Variants in PCDH9 observed in about 807,000 individuals in gnomAD.
PCDH9 encodes the protein protocadherin 9, also known as protocadherin-9.
Under a neutral mutation model 70.6 loss-of-function variants are expected in PCDH9, and 24 were observed. The ratio of observed to expected loss-of-function variants is 0.34; its 90% CI spans 0.25 to 0.48. The LOEUF (loss-of-function observed/expected upper bound fraction) is 0.48. PCDH9 is among the 20% of genes least tolerant of loss of function. The pLI is 0.99. For synonymous variants in PCDH9, 562 were observed against 558.5 expected (o/e 1.01, Z -0.09); for missense variants, 1,281 against 1,503.6 (o/e 0.85, Z 2.45).
chr13:66,380,702 C>A (rs368286), intron 4 of PCDH9, among the ~76,000 whole-genome samples: 4 of 151,976 alleles, frequency 2.6e-5, no homozygotes, highest in Non-Finnish European at 5.9e-5. Context: ...CGCCACCACG[C>A]CCGGCTAATT....
chr13:66,618,993 T>C (rs1204493638), intron 4 of PCDH9, among the ~76,000 whole-genome samples: 1 of 152,194 alleles, frequency 6.6e-6, no homozygotes, highest in Non-Finnish European at 1.5e-5. Context: ...TTAAACATGA[T>C]AAAATATTAC....
intron 4 of PCDH9, among the ~76,000 whole-genome samples, chr13:66,328,552 C>T (rs572461381): frequency 6.6e-6 from 1 of 152,286 alleles, no homozygotes; most frequent in East Asian, 1.9e-4. Flanking sequence ...TCCCAGACTG[C>T]TCTCATTTCT....
chr13:66,662,243 C>G (rs143231271), intron 3 of PCDH9, among the ~76,000 whole-genome samples: 1 of 151,920 alleles, frequency 6.6e-6, no homozygotes, highest in Non-Finnish European at 1.5e-5. Flanking sequence ...GGGGCTGAGG[C>G]GGGCGGATCA....
intron 3 of PCDH9, among the ~76,000 whole-genome samples, chr13:66,764,530 G>A (rs1027104349): frequency 6.6e-6 from 1 of 151,974 alleles, no homozygotes; most frequent in Non-Finnish European, 1.5e-5. Context: ...ATAGTTTGAG[G>A]AAAATGACAG....
chr13:66,431,203 G>T (rs1220818556), intron 4 of PCDH9, among the ~76,000 whole-genome samples: 1 of 152,024 alleles, frequency 6.6e-6, no homozygotes, highest in Non-Finnish European at 1.5e-5. Flanking sequence ...GCAAATTTGA[G>T]TTTATTTTTG....
chr13:66,948,877 G>A (rs1050308231), intron 2 of PCDH9, among the ~76,000 whole-genome samples: 5 of 151,890 alleles, frequency 3.3e-5, no homozygotes, highest in African/African-American at 4.8e-5. Context: ...TTTAATTACC[G>A]AGCCTTTGGG....
At chr13:66,980,931 T>G (rs61681730) in intron 2 of PCDH9, among the ~76,000 whole-genome samples, 2,105 of 152,136 alleles carry the variant, frequency 0.014, 49 homozygotes, top group African/African-American at 0.047. Context: ...GCATGCTGAT[T>G]CCAAGCTGTT....
intron 2 of PCDH9, among the ~76,000 whole-genome samples, chr13:67,067,313 A>T (rs1375049583): frequency 6.6e-6 from 1 of 152,194 alleles, no homozygotes; most frequent in Non-Finnish European, 1.5e-5. Context: ...TAGTGACAAG[A>T]AATAGGCAAA....
At chr13:66,521,557 T>C (rs942487105) in intron 4 of PCDH9, among the ~76,000 whole-genome samples, 17 of 152,280 alleles carry the variant, frequency 1.1e-4, no homozygotes, top group Admixed American at 3.3e-4. Flanking sequence ...GATACTGTTA[T>C]AGTGTGTGAA....
intron 2 of PCDH9, among the ~76,000 whole-genome samples, chr13:67,113,958 A>G (rs963844422): frequency 6.6e-6 from 1 of 152,240 alleles, no homozygotes; most frequent in Non-Finnish European, 1.5e-5. Flanking sequence ...GGTGCATCAC[A>G]GATAATAATG....
intron 4 of PCDH9, among the ~76,000 whole-genome samples, chr13:66,493,942 TATG>T (rs1284874534): frequency 6.6e-6 from 1 of 152,096 alleles, no homozygotes; most frequent in Non-Finnish European, 1.5e-5. Context: ...ATTATGACAA[TATG>T]ATGTTTCACT....
intron 2 of PCDH9, among the ~76,000 whole-genome samples, chr13:66,937,143 A>T (rs1056759985): frequency 4.6e-5 from 7 of 152,214 alleles, no homozygotes; most frequent in African/African-American, 1.7e-4. Flanking sequence ...CTATCCATTT[A>T]AAATGTATAC....
intron 2 of PCDH9, among the ~76,000 whole-genome samples, chr13:66,922,026 T>G (rs1455966013): frequency 6.6e-6 from 1 of 151,306 alleles, no homozygotes; most frequent in Non-Finnish European, 1.5e-5. Context: ...CTGAGATGAC[T>G]TGTGACTTAG....
intron 3 of PCDH9, chr13:66,876,750 T>C (rs2081818831): frequency 6.6e-6 from 1 of 152,070 alleles, no homozygotes; most frequent in Admixed American, 6.6e-5. Context: ...ACTTTAAACA[T>C]CAGCAGGCAA....
chr13:67,059,054 G>C (rs2085479922), intron 2 of PCDH9, among the ~76,000 whole-genome samples: 1 of 151,832 alleles, frequency 6.6e-6, no homozygotes, highest in Non-Finnish European at 1.5e-5. Flanking sequence ...GAGAGTCTGA[G>C]CTCTCACAGG....
intron 3 of PCDH9, among the ~76,000 whole-genome samples, chr13:66,645,605 G>C (rs1414688243): frequency 6.6e-6 from 1 of 152,026 alleles, no homozygotes; most frequent in Non-Finnish European, 1.5e-5. Flanking sequence ...TAAAATAGAA[G>C]GATATAAGAT....
intron 3 of PCDH9, among the ~76,000 whole-genome samples, chr13:66,790,319 A>G (rs2080144463): frequency 6.6e-6 from 1 of 152,084 alleles, no homozygotes; most frequent in Non-Finnish European, 1.5e-5. Flanking sequence ...CTAGCAGTTC[A>G]TAATATGCTT....
chr13:66,919,787 A>G (rs1285756866), intron 2 of PCDH9, among the ~76,000 whole-genome samples: 1 of 151,188 alleles, frequency 6.6e-6, no homozygotes, highest in Non-Finnish European at 1.5e-5. Flanking sequence ...GGTGGACAAG[A>G]AACTCAAATG....
chr13:66,709,169 CATG>C (rs1487797268), intron 3 of PCDH9, among the ~76,000 whole-genome samples: 2 of 152,096 alleles, frequency 1.3e-5, no homozygotes, highest in African/African-American at 4.8e-5. Context: ...GGAAAAATAA[CATG>C]ATATTTCCTA....
Sources: gnomAD v4.1 joint callset for allele counts (sites outside exome capture counted in the v4.1 genomes callset) on GRCh38, gnomAD v4.1.1 for gene constraint, MANE v1.5 for transcripts, NCBI Gene and HGNC (gene_info 2026-07-23, HGNC 2026-07-21) for gene names.